The following LINGO2 variants were observed in gnomAD, a reference collection of about 807,000 sequenced individuals.
LINGO2 encodes leucine-rich repeat and immunoglobulin-like domain-containing nogo receptor-interacting protein 2.
LINGO2 carries 14 observed loss-of-function variants against 30.6 expected under a neutral mutation model. That is an observed-to-expected ratio of 0.46 (90% CI 0.30 to 0.72). LINGO2 has a LOEUF of 0.72. Among genes scored for constraint, LINGO2 ranks in the 30% least tolerant of loss-of-function variants. LINGO2 has a pLI of 0.07. For synonymous variants in LINGO2, 317 were observed against 288.5 expected, an observed-to-expected ratio of 1.10 and a Z score of -1.00; for missense variants, 729 against 751.7, an observed-to-expected ratio of 0.97 and a Z score of 0.35.
chr9:28,370,352 G>A (rs10968535), intron 3 of LINGO2, among the ~76,000 whole-genome samples: 9,972 of 151,906 alleles, frequency 0.066, 425 homozygotes, highest in East Asian at 0.15. Flanking sequence ...AAATATACAC[G>A]CATGCAAAAA....
intron 1 of LINGO2, among the ~76,000 whole-genome samples, chr9:28,596,458 T>A (rs1825181004): frequency 6.6e-6 from 1 of 152,184 alleles, no homozygotes; most frequent in Non-Finnish European, 1.5e-5. Context: ...ATATTGACTT[T>A]TTTCTCTAGT....
intron 4 of LINGO2, among the ~76,000 whole-genome samples, chr9:28,177,659 A>G (rs907985292): frequency 6.6e-6 from 1 of 152,180 alleles, no homozygotes; most frequent in African/African-American, 2.4e-5. Flanking sequence ...TATGGTGGAA[A>G]TATAAAAAGG....
intron 1 of LINGO2, among the ~76,000 whole-genome samples, chr9:28,515,800 G>A (rs1281472947): frequency 2.0e-5 from 3 of 152,170 alleles, no homozygotes; most frequent in Admixed American, 6.5e-5. Context: ...GTTTTGAGAG[G>A]ACTGATTCCA....
At chr9:28,997,302 G>A in the LINGO2 span, among the ~76,000 whole-genome samples, 80 of 152,152 alleles carry the variant, frequency 5.3e-4, no homozygotes, top group African/African-American at 1.4e-3. Flanking sequence ...TAAAAATAAT[G>A]TGGAAAAAGT....
At chr9:28,539,637 C>T (rs1190279006) in intron 1 of LINGO2, among the ~76,000 whole-genome samples, 1 of 152,138 alleles carries the variant, frequency 6.6e-6, no homozygotes, top group Admixed American at 6.6e-5. Context: ...GTGACTCATA[C>T]CAATAACACT....
At chr9:29,005,941 T>C in the LINGO2 span, among the ~76,000 whole-genome samples, 1 of 151,938 alleles carries the variant, frequency 6.6e-6, no homozygotes, top group South Asian at 2.1e-4. Flanking sequence ...AAATGACAGA[T>C]ACGAGACCAA....
chr9:28,191,993 C>T (rs1254525568), intron 4 of LINGO2, among the ~76,000 whole-genome samples: 1 of 152,014 alleles, frequency 6.6e-6, no homozygotes, highest in Non-Finnish European at 1.5e-5. Context: ...TATATCCGTC[C>T]TTGGCCTCTC....
intron 4 of LINGO2, among the ~76,000 whole-genome samples, chr9:28,257,900 C>G (rs1251913731): frequency 6.6e-6 from 1 of 151,804 alleles, no homozygotes; most frequent in African/African-American, 2.4e-5. Flanking sequence ...CTTTTATGTA[C>G]TTATATTGGA....
intron 1 of LINGO2, among the ~76,000 whole-genome samples, chr9:28,555,581 G>A (rs1401900456): frequency 6.6e-6 from 1 of 152,032 alleles, no homozygotes; most frequent in Non-Finnish European, 1.5e-5. Context: ...AGGAGGAACT[G>A]GTACCATTCC....
chr9:28,512,580 GATATATATGTGTGTATATAT>G lies in LINGO2; in HGVS notation c.-364-36575_-364-36556del, dbSNP rs1307430667. Among the ~76,000 whole-genome samples the G allele has an allele frequency of 3.1e-4, 27 of 87,140 alleles. 1 individual carries two copies. Among genetic ancestry groups the G allele is most frequent in the Admixed American group, 5.5e-4 (4 of 7,286 alleles). 57.2% of individuals were successfully genotyped at this position (87,140 alleles called of 152,430 possible). A position where few individuals can be genotyped will look rare whatever the true frequency, so the allele number is the denominator to read the frequency against. On this transcript the variant is annotated intron_variant, in intron 1 of 5. Coordinates refer to ENST00000379992, the Ensembl canonical transcript of LINGO2. Reference sequence around the variant, plus strand: ...TTCTCTAGAGGGACAGAACTAACAGGATATATATGTGTGTATATATATATATATATATATATATATATATA... The same window carrying G: ...TTCTCTAGAGGGACAGAACTAACAGGATATATATATATATATATATATATA...
At chr9:28,587,927 TG>T in intron 1 of LINGO2, among the ~76,000 whole-genome samples, 1 of 152,134 alleles carries the variant, frequency 6.6e-6, no homozygotes, top group East Asian at 2.0e-4. Context: ...GAAAGTGTCC[TG>T]TGGACACCGA....
the LINGO2 span, among the ~76,000 whole-genome samples, chr9:28,796,936 T>A: frequency 1.3e-5 from 2 of 151,814 alleles, no homozygotes; most frequent in Non-Finnish European, 2.9e-5. Context: ...TGGCTGTGTG[T>A]GCATGTGAGT....
At chr9:29,169,599 A>C in the LINGO2 span, among the ~76,000 whole-genome samples, 1 of 152,246 alleles carries the variant, frequency 6.6e-6, no homozygotes, top group Non-Finnish European at 1.5e-5. Flanking sequence ...CACACCAGTC[A>C]TAATGGCTAT....
At chr9:28,379,994 G>A (rs1053551020) in intron 2 of LINGO2, among the ~76,000 whole-genome samples, 1 of 151,974 alleles carries the variant, frequency 6.6e-6, no homozygotes, top group Non-Finnish European at 1.5e-5. Flanking sequence ...TAAGACAGGG[G>A]TTCACAAATT....
At chr9:29,086,693 A>G in the LINGO2 span, among the ~76,000 whole-genome samples, 2 of 152,216 alleles carry the variant, frequency 1.3e-5, no homozygotes, top group African/African-American at 4.8e-5. Flanking sequence ...AGTATTCATT[A>G]ATGTATTTCC....
chr9:28,416,339 C>A (rs1822967110), intron 2 of LINGO2, among the ~76,000 whole-genome samples: 1 of 152,102 alleles, frequency 6.6e-6, no homozygotes, highest in Admixed American at 6.6e-5. Context: ...TTAAAAAGAA[C>A]AGAATTGCTA....
At chr9:28,612,089 G>A (rs1825943907) in intron 1 of LINGO2, among the ~76,000 whole-genome samples, 1 of 151,870 alleles carries the variant, frequency 6.6e-6, no homozygotes, top group Non-Finnish European at 1.5e-5. Flanking sequence ...TTTTTAAGGC[G>A]GGGTCTCTAT....
At chr9:28,914,834 T>G in the LINGO2 span, among the ~76,000 whole-genome samples, 17,177 of 152,190 alleles carry the variant, frequency 0.11, 965 homozygotes, top group South Asian at 0.16. Context: ...CCTGGATGTT[T>G]TAAAGATAGT....
the LINGO2 span, among the ~76,000 whole-genome samples, chr9:28,850,328 G>A: frequency 2.0e-5 from 3 of 151,914 alleles, no homozygotes; most frequent in African/African-American, 7.3e-5. Context: ...TTCAGACGGA[G>A]AGATATAGCT....
Sources: allele counts gnomAD v4.1 joint callset (sites outside exome capture counted in the v4.1 genomes callset), GRCh38; gene constraint gnomAD v4.1.1; transcripts MANE v1.5; gene names NCBI Gene and HGNC (gene_info 2026-07-23, HGNC 2026-07-21).